KDM6A: variants seen among roughly 807,000 people sequenced by gnomAD.
KDM6A encodes lysine demethylase 6A, also known as lysine-specific demethylase 6A.
Under a neutral mutation model 117.6 loss-of-function variants are expected in KDM6A, and 11 were observed. That is an observed-to-expected ratio of 0.09 (90% confidence interval 0.06 to 0.15). KDM6A has a LOEUF of 0.15. Among genes scored for constraint, KDM6A ranks in the 10% least tolerant of loss-of-function variants. KDM6A has a pLI of 1.00. For synonymous variants in KDM6A, 384 were observed against 396.1 expected (o/e 0.97, Z 0.36); for missense variants, 799 against 1,077.3 (o/e 0.74, Z 3.62).
At chrX:44,988,312 A>G (rs1482549701) in intron 4 of KDM6A, among the ~76,000 whole-genome samples, 1 of 107,403 alleles carries the variant, frequency 9.3e-6, no homozygotes, top group Non-Finnish European at 1.9e-5. Context: ...CATTCATCTG[A>G]TTTTTTTTTT....
At chrX:44,962,578 A>C (rs2038730701) in intron 3 of KDM6A, among the ~76,000 whole-genome samples, 2 of 112,152 alleles carry the variant, frequency 1.8e-5, no homozygotes, top group Non-Finnish European at 3.8e-5. Context: ...AAAGGAAACT[A>C]TTGTACCAAA....
rs2045515289 is a variant in KDM6A at position 45,083,612 on chromosome X, AT to A, written c.3589+7del. ...GTTCCAGGGAGCAGAACACCAGGTA[AT>A]TTGTATGAACTAACATATCTTGTTA... On this transcript the variant is annotated splice_donor_5th_base_variant and intron_variant, in intron 24 of 29. Transcript: ENST00000611820. 1 of 1,196,571 alleles carries A rather than the reference AT, an allele frequency of 8.4e-7. No individual in the cohort carries two copies. The highest frequency in any genetic ancestry group is 1.8e-5 in the South Asian group (1 of 56,412).
intron 27 of KDM6A, among the ~76,000 whole-genome samples, chrX:45,106,138 T>A (rs1277399524): frequency 9.0e-6 from 1 of 111,343 alleles, no homozygotes. Flanking sequence ...TATGCAAGAA[T>A]TGTTGAAGCC....
intron 4 of KDM6A, among the ~76,000 whole-genome samples, chrX:44,997,079 C>T (rs1569511598): frequency 1.8e-5 from 2 of 111,466 alleles, no homozygotes; most frequent in African/African-American, 6.5e-5. Flanking sequence ...AATGTTACAG[C>T]TGAATCCCCA....
In KDM6A at chrX:45,069,650, T is replaced by C. The variant is rs774256566; in HGVS notation, c.2151T>C (p.Pro717=). ...AACGACCTCTCTCTTCCACTGGGCC[T>C]TCCCAGCATCTCCAGGCAGCTGGCT... ...NGERPLSSTG[P]SQHLQAAGSG... The change falls in exon 18 of 30, where the codon CCT becomes CCC. Residue 717 remains proline (P), a synonymous_variant. Transcript: ENST00000611820. 8.3e-7 allele frequency: 1 copy of C among 1,210,597 alleles called. No homozygotes were observed. The highest frequency in any genetic ancestry group is 1.8e-5 in the South Asian group (1 of 56,862).
Position 45,107,433 on chromosome X carries a change from A to G in KDM6A, c.4058A>G (p.Lys1353Arg), listed in dbSNP as rs2148288019. 1.7e-6 allele frequency: 2 copies of G among 1,208,405 alleles called. No individual in the cohort carries two copies. Among genetic ancestry groups the G allele is most frequent in the Admixed American group, 4.3e-5 (2 of 46,007 alleles). Residue 1353 changes from lysine to arginine, a missense_variant, in exon 28 of 30, where the codon AAG becomes AGG. Lys to Arg is a conservative substitution (Grantham distance 26, BLOSUM62 2). This residue lies in a region of KDM6A where 291 missense variants were observed against 437.9 expected (regional missense o/e 0.66). Transcript: ENST00000611820. ...AGGTATTGTCTTCTAAGAACTCTGA[A>G]GCAATGTCAGACATTGAGGGAAGCT... ...MIKYCLLRTLKQCQTLREALI... is the reference protein window; with the variant it reads ...MIKYCLLRTLRQCQTLREALI...
intron 2 of KDM6A, among the ~76,000 whole-genome samples, chrX:44,884,198 T>A (rs777975346): frequency 1.8e-5 from 2 of 109,327 alleles, no homozygotes; most frequent in East Asian, 5.7e-4. Flanking sequence ...GAGGGTAGCA[T>A]GTTTCAGTGG....
At chrX:44,939,466 A>T (rs974253018) in intron 2 of KDM6A, among the ~76,000 whole-genome samples, 1 of 112,195 alleles carries the variant, frequency 8.9e-6, no homozygotes, top group African/African-American at 3.2e-5. Flanking sequence ...TGAATGGAGG[A>T]GTTGCTTCTT....
At chrX:45,062,785 A>G (rs2044357998) in intron 16 of KDM6A, 37 bp downstream of exon 16, 5 of 893,668 alleles carry the variant, frequency 5.6e-6, no homozygotes, top group Non-Finnish European at 8.2e-6. Context: ...ATTTGTTAGC[A>G]TTTTGAGTAT....
chrX:45,082,411 T>G (rs2045452668), intron 21 of KDM6A, 165 bp from the exon 22 acceptor site: 1 of 443,042 alleles, frequency 2.3e-6, no homozygotes, highest in Non-Finnish European at 3.9e-6. Context: ...TCCAGCCTGG[T>G]CAACAGGAGT....
chrX:45,013,338 G>GT (rs1214708872), intron 5 of KDM6A, among the ~76,000 whole-genome samples: 1 of 111,550 alleles, frequency 9.0e-6, no homozygotes, highest in Non-Finnish European at 1.9e-5. Flanking sequence ...TAATTTAGGT[G>GT]ACACCTGAGG....
chrX:45,079,501 A>ATATG lies in KDM6A; in HGVS notation c.3300+189_3300+192dup, dbSNP rs72270582. The ATATG allele has an allele frequency of 0.16, 68,029 of 416,222 alleles. 4,445 individuals carry two copies. Among genetic ancestry groups the ATATG allele is most frequent in the East Asian group, 0.23 (5,449 of 23,208 alleles). The allele number at this position is 416,222 out of a possible 1,213,427, so 34.3% of individuals were successfully genotyped here. On this transcript the variant is annotated intron_variant, in intron 21 of 29. Coordinates refer to ENST00000611820, the MANE Select transcript of KDM6A (RefSeq NM_001291415.2). ...TGTTCTCCAGTTGTCTCGTATGTATATATGTATGTATGTATGTATGTATGT... is the reference window on the plus strand; with the variant it reads ...TGTTCTCCAGTTGTCTCGTATGTATATATGTATGTATGTATGTATGTATGTATGT...
intron 2 of KDM6A, among the ~76,000 whole-genome samples, chrX:44,927,672 CAG>C (rs1244175332): frequency 1.8e-5 from 2 of 111,426 alleles, no homozygotes; most frequent in Non-Finnish European, 3.8e-5. Flanking sequence ...CAAACCAACA[CAG>C]AGGGAGATGC....
chrX:44,892,361 C>A (rs2033435148), intron 2 of KDM6A, among the ~76,000 whole-genome samples: 2 of 110,946 alleles, frequency 1.8e-5, no homozygotes, highest in African/African-American at 6.6e-5. Context: ...GAGTTTGAGA[C>A]CAGCCTGGCT....
rs1413177330 is a variant in KDM6A, at chrX:45,061,424, G to A, written c.1581+5G>A. Reference sequence around the variant, plus strand: ...TTGACACCACAGAAATTACAGGTATGTAAGATGTTTTTGACAAATTGTTTA... The same window carrying A: ...TTGACACCACAGAAATTACAGGTATATAAGATGTTTTTGACAAATTGTTTA... On this transcript the variant is annotated splice_donor_5th_base_variant and intron_variant, in intron 15 of 29. Coordinates refer to ENST00000611820, the MANE Select transcript of KDM6A (RefSeq NM_001291415.2). 1.0e-6 allele frequency: 1 copy of A among 970,203 alleles called. No individual in the cohort carries two copies. Among genetic ancestry groups the A allele is most frequent in the South Asian group, 2.0e-5 (1 of 49,616 alleles). The allele number at this position is 970,203 out of a possible 1,213,427, so 80.0% of individuals were successfully genotyped here.
chrX:44,880,832 AAT>A (rs1569333612), intron 2 of KDM6A, among the ~76,000 whole-genome samples: 1 of 106,127 alleles, frequency 9.4e-6, no homozygotes, highest in African/African-American at 3.5e-5. Context: ...AGTACACCAG[AAT>A]GTTATATTTT....
intron 2 of KDM6A, among the ~76,000 whole-genome samples, chrX:44,956,740 A>G (rs1312507950): frequency 9.0e-6 from 1 of 111,352 alleles, no homozygotes; most frequent in East Asian, 2.8e-4. Flanking sequence ...TGATACATTG[A>G]CCTGTTGTCT....
chrX:44,898,453 T>G (rs1402082576), intron 2 of KDM6A, among the ~76,000 whole-genome samples: 1 of 111,481 alleles, frequency 9.0e-6, no homozygotes, highest in African/African-American at 3.3e-5. Context: ...CCTTGTTCAG[T>G]CTTGTTGATG....
At chrX:45,109,490 G>A (rs1182312439) in intron 28 of KDM6A, among the ~76,000 whole-genome samples, 1 of 111,839 alleles carries the variant, frequency 8.9e-6, no homozygotes, top group African/African-American at 3.2e-5. Context: ...AAGACAGGAT[G>A]TTGATGGTCC....
Sources: gnomAD v4.1 joint callset for allele counts (sites outside exome capture counted in the v4.1 genomes callset) on GRCh38, gnomAD v4.1.1 for gene constraint, gnomAD v4.1.1 regional missense constraint, MANE v1.5 for transcripts, NCBI Gene and HGNC (gene_info 2026-07-23, HGNC 2026-07-21) for gene names.